The following ABCB1 variants were observed in gnomAD, a reference collection of about 807,000 sequenced individuals.
ABCB1 encodes the protein ATP-dependent translocase ABCB1.
Under a neutral mutation model 142.0 loss-of-function variants are expected in ABCB1, and 69 were observed. The ratio of observed to expected loss-of-function variants is 0.49; its 90% CI spans 0.40 to 0.59. The LOEUF is 0.59. Ranked by LOEUF, ABCB1 falls within the 20% of genes least tolerant of loss-of-function variation. The pLI is 0.00. For missense variants in ABCB1, 1,326 were observed against 1,554.7 expected (o/e 0.85, Z 2.47); for synonymous variants, 532 against 539.2 (o/e 0.99, Z 0.18).
At chr7:87,537,551 A>G (rs1816353033) in intron 19 of ABCB1, among the ~76,000 whole-genome samples, 1 of 152,190 alleles carries the variant, frequency 6.6e-6, no homozygotes, top group African/African-American at 2.4e-5. Flanking sequence ...GCTTACTGAT[A>G]TAGGGGAAGA....
intron 7 of ABCB1, among the ~76,000 whole-genome samples, chr7:87,562,431 C>T (rs940105636): frequency 1.3e-5 from 2 of 152,170 alleles, no homozygotes; most frequent in African/African-American, 4.8e-5. Context: ...CATCCCTTAA[C>T]AAACATCTGT....
intron 26 of ABCB1, chr7:87,506,247 C>T (rs755879881): frequency 1.5e-4 from 85 of 578,520 alleles, no homozygotes; most frequent in Middle Eastern, 1.4e-3. Context: ...AATGTTTGGG[C>T]CTTAAGATGA....
chr7:87,677,151 CA>C (rs1408290002), intron 1 of ABCB1, among the ~76,000 whole-genome samples: 1 of 151,948 alleles, frequency 6.6e-6, no homozygotes, highest in Admixed American at 6.6e-5. Context: ...AAGATAAAAT[CA>C]GTATTTGGAA....
chr7:87,669,117 C>T (rs1225667554), intron 1 of ABCB1, among the ~76,000 whole-genome samples: 2 of 151,984 alleles, frequency 1.3e-5, no homozygotes, highest in African/African-American at 4.8e-5. Context: ...GTTTGTGCCT[C>T]TTTGTAGGTC....
In ABCB1 at chr7:87,600,154, C is replaced by T. The variant is rs2130001328; in HGVS notation, c.31G>A (p.Ala11Thr). 1.2e-6 allele frequency: 2 copies of T among 1,614,158 alleles called. No individual in the cohort carries two copies. The highest frequency in any genetic ancestry group is 1.7e-6 in the Non-Finnish European group (2 of 1,179,980). The change falls in exon 2 of 28, where the codon GCA becomes ACA. Residue 11 changes from alanine (A) to threonine (T), a missense_variant. Physicochemically the swap from Ala to Thr is moderately conservative, Grantham distance 58. Transcript: ENST00000622132. The stretch of plus-strand genomic sequence containing the variant: ...AGTTTAAAAAAGTTCTTCTTCTTTG[C>T]TCCTCCATTGCGGTCCCCTTCAAGA... MDLEGDRNGGAKKKNFFKLNN... is the reference protein window; with the variant it reads MDLEGDRNGGTKKKNFFKLNN...
intron 8 of ABCB1, 21 bp from the exon 9 acceptor site, chr7:87,553,953 G>T: frequency 3.1e-6 from 5 of 1,590,854 alleles, no homozygotes; most frequent in South Asian, 2.2e-5. Context: ...GAACAAAAAT[G>T]ATCACATATA....
In ABCB1 at chr7:87,549,870, A is replaced by T; in HGVS notation, c.1535T>A (p.Phe512Tyr). 2.5e-6 allele frequency: 4 copies of T among 1,614,186 alleles called. No individual in the cohort carries two copies. The highest frequency in any genetic ancestry group is 3.4e-6 in the Non-Finnish European group (4 of 1,180,022). Residue 512 changes from phenylalanine (F) to tyrosine (Y), a missense_variant, in exon 13 of 28, where the codon TTT (phenylalanine) becomes TAT (tyrosine). Transcript: ENST00000622132. The part of the protein sequence containing the change: ...KAVKEANAYD[F>Y]IMKLPHKFDT... ...ACTTACATGAGGCAGTTTCATGATA[A>T]AGTCATAGGCATTGGCTTCCTTGAC...
At chr7:87,706,338 C>G (rs1006906602) in intron 1 of ABCB1, among the ~76,000 whole-genome samples, 1 of 151,750 alleles carries the variant, frequency 6.6e-6, no homozygotes, top group Admixed American at 6.6e-5. Flanking sequence ...TTTATAAGAT[C>G]AGCTTGGTGC....
chr7:87,695,900 C>T (rs968516230), intron 1 of ABCB1, among the ~76,000 whole-genome samples: 2 of 151,966 alleles, frequency 1.3e-5, no homozygotes, highest in African/African-American at 4.8e-5. Context: ...TTTAGAGTAA[C>T]ATTGGACCCT....
chr7:87,692,218 C>T (rs1163468712), intron 1 of ABCB1, among the ~76,000 whole-genome samples: 3 of 152,008 alleles, frequency 2.0e-5, no homozygotes, highest in Non-Finnish European at 1.5e-5. Context: ...TGGGAGACCA[C>T]GGCAGGATAA....
chr7:87,509,168 G>A, intron 26 of ABCB1, 107 bp downstream of exon 26: 3 of 1,135,136 alleles, frequency 2.6e-6, no homozygotes, highest in Admixed American at 1.8e-5. Context: ...GTGTGATTTG[G>A]TTGCTAATTT....
At position 87,595,818 on chromosome 7, in the gene ABCB1, C is replaced by A. The variant is rs905876915; in HGVS notation, c.69-4G>T. On this transcript the variant is annotated splice_polypyrimidine_tract_variant and splice_region_variant and intron_variant, in intron 2 of 27. Coordinates refer to ENST00000622132, the MANE Select transcript of ABCB1 (RefSeq NM_001348946.2). Reference sequence around the variant, plus strand: ...CTTTTCCTTCTTATCTTTTTCACTGCAAAACAGCAATGGAATTACATAAAA... The same window carrying A: ...CTTTTCCTTCTTATCTTTTTCACTGAAAAACAGCAATGGAATTACATAAAA... 3.1e-6 allele frequency: 5 copies of A among 1,607,588 alleles called. No homozygotes were observed. Among genetic ancestry groups the A allele is most frequent in the Admixed American group, 1.7e-5 (1 of 59,882 alleles).
At chr7:87,712,380 T>A (rs1484408656) in intron 1 of ABCB1, among the ~76,000 whole-genome samples, 5 of 152,006 alleles carry the variant, frequency 3.3e-5, no homozygotes, top group Admixed American at 2.6e-4. Context: ...TTGAGGATAC[T>A]AAGGCTTTGA....
intron 1 of ABCB1, among the ~76,000 whole-genome samples, chr7:87,609,631 C>T (rs1029920229): frequency 2.6e-5 from 4 of 152,190 alleles, no homozygotes; most frequent in Non-Finnish European, 4.4e-5. Context: ...TATTCTCTAG[C>T]TATTTTACTT....
chr7:87,662,867 T>C (rs928833986), intron 1 of ABCB1, among the ~76,000 whole-genome samples: 1 of 152,086 alleles, frequency 6.6e-6, no homozygotes, highest in Non-Finnish European at 1.5e-5. Flanking sequence ...AACAATAGTC[T>C]TCCAATTCAC....
chr7:87,599,244 T>C (rs1272335143), intron 2 of ABCB1, among the ~76,000 whole-genome samples: 2 of 152,180 alleles, frequency 1.3e-5, no homozygotes, highest in Admixed American at 1.3e-4. Context: ...ATCTATTTAG[T>C]GAAGTTTTAA....
At chr7:87,588,824 T>C (rs1406746529) in intron 3 of ABCB1, among the ~76,000 whole-genome samples, 1 of 152,218 alleles carries the variant, frequency 6.6e-6, no homozygotes, top group Non-Finnish European at 1.5e-5. Flanking sequence ...GTTATTTTTT[T>C]ACTTTGTAAT....
chr7:87,704,914 C>T (rs1829453966), intron 1 of ABCB1, among the ~76,000 whole-genome samples: 1 of 152,220 alleles, frequency 6.6e-6, no homozygotes, highest in Admixed American at 6.5e-5. Context: ...TTGAGGCTTA[C>T]AGCTGCAATC....
intron 1 of ABCB1, among the ~76,000 whole-genome samples, chr7:87,613,306 T>C (rs1819925103): frequency 6.7e-6 from 1 of 148,250 alleles, no homozygotes; most frequent in Non-Finnish European, 1.5e-5. Context: ...GCAAGGACTT[T>C]CGATTTCTCA....
Sources: allele counts gnomAD v4.1 joint callset (sites outside exome capture counted in the v4.1 genomes callset), GRCh38; gene constraint gnomAD v4.1.1; transcripts MANE v1.5; gene names NCBI Gene and HGNC (gene_info 2026-07-23, HGNC 2026-07-21).